FER: variants seen among roughly 807,000 people sequenced by gnomAD.
FER encodes the protein FER tyrosine kinase.
A neutral mutation model predicts 111.0 loss-of-function variants in FER; 63 were observed. The observed-to-expected ratio is 0.57, with a 90% CI of 0.46 to 0.70. The LOEUF (loss-of-function observed/expected upper bound fraction) is 0.70, where lower values mean the gene tolerates loss of function less well. Ranked by LOEUF, FER falls within the 30% of genes least tolerant of loss-of-function variation. FER has a pLI of 0.00. For synonymous variants in FER, 327 were observed against 313.9 expected (o/e 1.04, Z -0.44); for missense variants, 914 against 954.0 (o/e 0.96, Z 0.55).
intron 17 of FER, among the ~76,000 whole-genome samples, chr5:109,124,661 A>C (rs909672565): frequency 6.6e-6 from 1 of 152,144 alleles, no homozygotes; most frequent in East Asian, 1.9e-4. Flanking sequence ...TTAAATCAAG[A>C]TCTCAAAACT....
intron 5 of FER, among the ~76,000 whole-genome samples, chr5:108,865,081 G>A (rs1763901588): frequency 6.6e-6 from 1 of 152,148 alleles, no homozygotes; most frequent in Non-Finnish European, 1.5e-5. Flanking sequence ...CACGTCCCTT[G>A]TAAGTTGGAT....
chr5:109,025,466 A>T (rs1373085863), intron 13 of FER, among the ~76,000 whole-genome samples: 6 of 152,020 alleles, frequency 3.9e-5, no homozygotes, highest in Non-Finnish European at 5.9e-5. Context: ...TTGCACATTG[A>T]TTTTGTATCC....
In FER at chr5:108,827,822, C is replaced by CTTTTTTT. The variant is rs5870331; in HGVS notation, c.208-4935_208-4929dup. On this transcript the variant is annotated intron_variant, in intron 3 of 19. Coordinates refer to ENST00000281092, the MANE Select transcript of FER (RefSeq NM_005246.4). Reference sequence around the variant, plus strand: ...AATATTTAACAGATGGAGTTAGTATCTTTTTTTTTTTTTTTTTTTCCCCCA... The same window carrying CTTTTTTT: ...AATATTTAACAGATGGAGTTAGTATCTTTTTTTTTTTTTTTTTTTTTTTTTTCCCCCA... Among the ~76,000 whole-genome samples, 2 of 121,612 alleles carry CTTTTTTT rather than the reference C, an allele frequency of 1.6e-5. 1 individual carries two copies. The allele number at this position is 121,612 out of a possible 152,430, so 79.8% of individuals were successfully genotyped here. A position where few individuals can be genotyped will look rare whatever the true frequency, so the allele number is the denominator to read the frequency against.
chr5:109,047,054 A>C (rs774377719), intron 15 of FER, 50 bp from the exon 16 acceptor site: 1 of 999,516 alleles, frequency 1.0e-6, no homozygotes, highest in East Asian at 2.5e-5. Flanking sequence ...TCACAAATTA[A>C]TGCTTTATTA....
At chr5:108,888,621 T>C (rs1471931055) in intron 9 of FER, among the ~76,000 whole-genome samples, 1 of 151,940 alleles carries the variant, frequency 6.6e-6, no homozygotes, top group East Asian at 1.9e-4. Context: ...TAAATAATCA[T>C]ACATTTACTA....
intron 17 of FER, among the ~76,000 whole-genome samples, chr5:109,149,023 T>A (rs1306775488): frequency 1.3e-5 from 2 of 152,144 alleles, no homozygotes; most frequent in Non-Finnish European, 2.9e-5. Flanking sequence ...CATAACCTAG[T>A]TCAATCAGGG....
chr5:108,894,100 G>A (rs893876474), intron 9 of FER, among the ~76,000 whole-genome samples: 3 of 151,746 alleles, frequency 2.0e-5, no homozygotes, highest in Non-Finnish European at 2.9e-5. Context: ...CAGGGAAGTA[G>A]CAACAAAGGC....
chr5:108,946,259 T>C, intron 11 of FER, 37 bp downstream of exon 11: 1 of 1,449,020 alleles, frequency 6.9e-7, no homozygotes, highest in Non-Finnish European at 9.7e-7. Context: ...CTGAAAATGG[T>C]CATTGTCTAG....
intron 10 of FER, among the ~76,000 whole-genome samples, chr5:108,914,638 A>G (rs1477016838): frequency 6.6e-6 from 1 of 152,188 alleles, no homozygotes; most frequent in East Asian, 1.9e-4. Flanking sequence ...TGAGGAATGC[A>G]GGAGCGGTGA....
At chr5:109,083,680 C>T (rs77587444) in intron 16 of FER, among the ~76,000 whole-genome samples, 5,241 of 152,020 alleles carry the variant, frequency 0.034, 148 homozygotes, top group South Asian at 0.084. Flanking sequence ...AATGCAAGAC[C>T]GTCACTGATC....
chr5:108,773,121 G>A (rs1320034070), intron 2 of FER, among the ~76,000 whole-genome samples: 5 of 152,162 alleles, frequency 3.3e-5, no homozygotes, highest in African/African-American at 4.8e-5. Context: ...AATTTGGAAC[G>A]AGTGTAGCTT....
At chr5:109,173,817 CTG>C (rs2126813665) in intron 17 of FER, among the ~76,000 whole-genome samples, 1 of 147,174 alleles carries the variant, frequency 6.8e-6, no homozygotes, top group South Asian at 2.2e-4. Context: ...AATGGGAAGA[CTG>C]TATTCTGAGC....
intron 13 of FER, among the ~76,000 whole-genome samples, chr5:109,033,145 C>T (rs1029198014): frequency 6.6e-6 from 1 of 152,134 alleles, no homozygotes; most frequent in East Asian, 1.9e-4. Flanking sequence ...TATTTTCATT[C>T]ATTAACCTGT....
At chr5:108,977,524 C>G (rs1313263716) in intron 13 of FER, among the ~76,000 whole-genome samples, 1 of 152,086 alleles carries the variant, frequency 6.6e-6, no homozygotes, top group Non-Finnish European at 1.5e-5. Flanking sequence ...GTTCAAGGGT[C>G]AACTGTATAA....
At chr5:108,777,488 A>G (rs1014409936) in intron 2 of FER, among the ~76,000 whole-genome samples, 1 of 152,216 alleles carries the variant, frequency 6.6e-6, no homozygotes, top group Non-Finnish European at 1.5e-5. Flanking sequence ...TGTACATATT[A>G]TGGGTTTGGA....
chr5:108,751,379 G>A (rs1000621593), intron 1 of FER, among the ~76,000 whole-genome samples: 1 of 152,138 alleles, frequency 6.6e-6, no homozygotes, highest in African/African-American at 2.4e-5. Flanking sequence ...AAGCAATCTT[G>A]TGAGTGAGGT....
chr5:108,948,406 G>T (rs149363619), intron 11 of FER, among the ~76,000 whole-genome samples: 1,775 of 152,130 alleles, frequency 0.012, 17 homozygotes, highest in Non-Finnish European at 0.02. Flanking sequence ...TGTTATATCA[G>T]CTACAAGCAT....
chr5:109,157,408 C>T (rs923251351), intron 17 of FER, among the ~76,000 whole-genome samples: 4 of 152,098 alleles, frequency 2.6e-5, no homozygotes, highest in Non-Finnish European at 4.4e-5. Context: ...TTTGCTCTGT[C>T]ATGCCTGGAC....
intron 10 of FER, among the ~76,000 whole-genome samples, chr5:108,913,813 G>A (rs1453236949): frequency 2.6e-5 from 4 of 152,138 alleles, no homozygotes; most frequent in Non-Finnish European, 2.9e-5. Flanking sequence ...GGGATACTCC[G>A]CAGTAATGAA....
Sources: gnomAD v4.1 joint callset for allele counts (sites outside exome capture counted in the v4.1 genomes callset) on GRCh38, gnomAD v4.1.1 for gene constraint, MANE v1.5 for transcripts, NCBI Gene and HGNC (gene_info 2026-07-23, HGNC 2026-07-21) for gene names.